Variants in METTL15 observed in about 807,000 individuals in gnomAD.
METTL15 encodes the protein methyltransferase 15, mitochondrial 12S rRNA N4-cytidine, also known as 12S rRNA N(4)-cytidine methyltransferase METTL15.
A neutral mutation model predicts 38.3 loss-of-function variants in METTL15; 34 were observed. The observed-to-expected ratio is 0.89, with a 90% CI of 0.68 to 1.18. The LOEUF (loss-of-function observed/expected upper bound fraction) is 1.18. METTL15 is among the 50% of genes most tolerant of loss of function. The probability of loss-of-function intolerance (pLI) is 0.00; values close to 1 mark genes in which losing one functional copy is unlikely to be tolerated. For missense variants in METTL15, 438 were observed against 498.4 expected, an observed-to-expected ratio of 0.88 and a Z score of 1.15; for synonymous variants, 162 against 170.9, an observed-to-expected ratio of 0.95 and a Z score of 0.41.
At position 28,455,051 on chromosome 11, in the gene METTL15, G is replaced by A. The variant is rs1257562354; in HGVS notation, c.*424+30687G>A. On this transcript the variant is annotated intron_variant and NMD_transcript_variant, in intron 6 of 7. Transcript: ENST00000532947. ...AGGAAATAGTGGTTCAGTGGGAATC[G>A]GAGTTCCAAGATACTCAGGTCCCCT... 6.6e-5 allele frequency among the ~76,000 whole-genome samples: 10 copies of A among 152,126 alleles called. No individual in the cohort carries two copies. In the South Asian group the frequency reaches 1.7e-3, roughly 25 times the overall value.
At chr11:28,466,421 A>C (rs1851257168) in intron 6 of METTL15, among the ~76,000 whole-genome samples, 1 of 152,224 alleles carries the variant, frequency 6.6e-6, no homozygotes, top group Admixed American at 6.5e-5. Context: ...TGTTTTCTTA[A>C]GTTGAATATT....
chr11:28,373,005 A>C (rs1850262468), intron 5 of METTL15, among the ~76,000 whole-genome samples: 1 of 151,568 alleles, frequency 6.6e-6, no homozygotes, highest in Non-Finnish European at 1.5e-5. Context: ...ACATTTTCTT[A>C]ATCCAGTCTA....
At chr11:28,257,987 T>C (rs1331316752) in intron 4 of METTL15, among the ~76,000 whole-genome samples, 1 of 152,214 alleles carries the variant, frequency 6.6e-6, no homozygotes, top group African/African-American at 2.4e-5. Flanking sequence ...GTATTTATTA[T>C]AGTTTTCATA....
At chr11:28,273,252 C>T (rs954961123) in intron 4 of METTL15, among the ~76,000 whole-genome samples, 1 of 152,142 alleles carries the variant, frequency 6.6e-6, no homozygotes, top group Admixed American at 6.5e-5. Context: ...CAAAAGCATC[C>T]ATTTGTATTT....
chr11:28,123,032 T>A (rs1852318606), intron 3 of METTL15, among the ~76,000 whole-genome samples: 2 of 152,152 alleles, frequency 1.3e-5, no homozygotes, highest in Admixed American at 6.6e-5. Flanking sequence ...CAGACGTATG[T>A]ACTGAATCCA....
At chr11:28,498,647 C>T (rs925011960) in intron 6 of METTL15, among the ~76,000 whole-genome samples, 1 of 152,202 alleles carries the variant, frequency 6.6e-6, no homozygotes, top group Admixed American at 6.5e-5. Context: ...TTTAGAGATT[C>T]ATCCCTTTAT....
At chr11:28,530,342 A>T (rs186948006), downstream of METTL15, among the ~76,000 whole-genome samples, 34 of 152,186 alleles carry the variant, frequency 2.2e-4, no homozygotes, top group Non-Finnish European at 4.4e-5. Flanking sequence ...ATTTATTCAG[A>T]CTCTATCTTC....
chr11:28,117,208 T>C lies in METTL15; in HGVS notation c.270+3604T>C, dbSNP rs560255306. ...TGATATTTGTTAGTGTGTGTATATA[T>C]ACATACATATATACACCTATATATG... On this transcript the variant is annotated intron_variant, in intron 3 of 6. Coordinates refer to ENST00000407364, the MANE Select transcript of METTL15 (RefSeq NM_001113528.2). 1.9e-4 allele frequency among the ~76,000 whole-genome samples: 29 copies of C among 150,304 alleles called. No individual in the cohort carries two copies. In the East Asian group the frequency reaches 5.1e-3, roughly 26 times the overall value.
chr11:28,377,430 C>T (rs1850329598), intron 5 of METTL15, among the ~76,000 whole-genome samples: 1 of 152,176 alleles, frequency 6.6e-6, no homozygotes. Context: ...TGCTGATACC[C>T]TTTCTTCCAG....
intron 6 of METTL15, among the ~76,000 whole-genome samples, chr11:28,487,528 G>A (rs1317009271): frequency 2.6e-5 from 4 of 151,954 alleles, no homozygotes; most frequent in African/African-American, 9.7e-5. Flanking sequence ...TTGTTCAATG[G>A]TATAAAGGCA....
At position 28,165,665 on chromosome 11, in the gene METTL15, A is replaced by G. The variant is rs577118880; in HGVS notation, c.271-45397A>G. Among the ~76,000 whole-genome samples the G allele has an allele frequency of 7.2e-5, 11 of 152,146 alleles. No individual in the cohort carries two copies. In the South Asian group the frequency reaches 8.3e-4, roughly 11 times the overall value. On this transcript the variant is annotated intron_variant, in intron 3 of 6. Coordinates refer to ENST00000407364, the MANE Select transcript of METTL15 (RefSeq NM_001113528.2). Reference sequence around the variant, plus strand: ...TGTAAAAACATTTTAGTTTGATACAATTCCATTTGTCTATTTTTGCTTTTG... The same window carrying G: ...TGTAAAAACATTTTAGTTTGATACAGTTCCATTTGTCTATTTTTGCTTTTG...
chr11:28,162,952 G>C (rs1041647041), intron 3 of METTL15, among the ~76,000 whole-genome samples: 5 of 152,174 alleles, frequency 3.3e-5, no homozygotes, highest in Admixed American at 6.6e-5. Flanking sequence ...CTATCAGATA[G>C]GTAGTATTTT....
At chr11:28,221,495 C>G (rs2133864420) in intron 4 of METTL15, among the ~76,000 whole-genome samples, 1 of 152,176 alleles carries the variant, frequency 6.6e-6, no homozygotes, top group Middle Eastern at 3.4e-3. Flanking sequence ...ACTTCTTTGC[C>G]ATGGGTTTGT....
At chr11:28,342,379 C>T (rs1038966602) in intron 3 of METTL15, among the ~76,000 whole-genome samples, 3 of 152,174 alleles carry the variant, frequency 2.0e-5, no homozygotes, top group Non-Finnish European at 2.9e-5. Context: ...CCTCCCATCT[C>T]GGCCTCCCGA....
downstream of METTL15, among the ~76,000 whole-genome samples, chr11:28,333,890 A>G (rs1849875969): frequency 6.6e-6 from 1 of 151,950 alleles, no homozygotes; most frequent in African/African-American, 2.4e-5. Context: ...AATATTTGAA[A>G]ATCATATTTT....
chr11:28,506,976 CT>C (rs1278421034), intron 6 of METTL15, among the ~76,000 whole-genome samples: 3 of 152,050 alleles, frequency 2.0e-5, no homozygotes, highest in Non-Finnish European at 4.4e-5. Flanking sequence ...AACTCCTGAC[CT>C]CAAGTGATCT....
At chr11:28,467,286 T>C (rs1158585454) in intron 6 of METTL15, among the ~76,000 whole-genome samples, 2 of 152,132 alleles carry the variant, frequency 1.3e-5, no homozygotes, top group Admixed American at 1.3e-4. Flanking sequence ...CAGAAACATT[T>C]GAGAAAACGA....
intron 6 of METTL15, among the ~76,000 whole-genome samples, chr11:28,319,929 G>A (rs904185650): frequency 3.9e-5 from 6 of 152,144 alleles, no homozygotes; most frequent in Non-Finnish European, 8.8e-5. Flanking sequence ...AATGCTGTGC[G>A]ATACAGAGTC....
At chr11:28,456,918 A>G (rs1851174138) in intron 6 of METTL15, among the ~76,000 whole-genome samples, 1 of 152,208 alleles carries the variant, frequency 6.6e-6, no homozygotes, top group South Asian at 2.1e-4. Flanking sequence ...AAGCCATGTG[A>G]TTCTTCCCAT....
Sources: gnomAD v4.1 joint callset for allele counts (sites outside exome capture counted in the v4.1 genomes callset) on GRCh38, gnomAD v4.1.1 for gene constraint, MANE v1.5 for transcripts, NCBI Gene and HGNC (gene_info 2026-07-23, HGNC 2026-07-21) for gene names.